DNAH7: variants seen among roughly 807,000 people sequenced by gnomAD.
DNAH7 encodes axonemal beta dynein heavy chain 7.
DNAH7 carries 397 observed loss-of-function variants against 444.6 expected under a neutral mutation model. The observed-to-expected ratio is 0.89, with a 90% CI of 0.82 to 0.97. DNAH7 has a LOEUF of 0.97. Ranked by LOEUF, DNAH7 falls within the 50% of genes least tolerant of loss-of-function variation. The pLI is 0.00. For missense variants in DNAH7, 4,902 were observed against 4,800.8 expected (o/e 1.02, Z -0.62); for synonymous variants, 1,636 against 1,624.4 (o/e 1.01, Z -0.17).
chr2:196,019,240 T>A lies in DNAH7; in HGVS notation c.799A>T (p.Ile267Phe). 1.3e-6 allele frequency: 2 copies of A among 1,515,054 alleles called. No individual in the cohort carries two copies. The highest frequency in any genetic ancestry group is 1.8e-6 in the Non-Finnish European group (2 of 1,118,876). The allele number at this position is 1,515,054 out of a possible 1,614,324, so 93.9% of individuals were successfully genotyped here. A position where few individuals can be genotyped will look rare whatever the true frequency, so the allele number is the denominator to read the frequency against. Residue 267 changes from isoleucine (I) to phenylalanine (F), a missense_variant, in exon 9 of 65, where the codon ATT becomes TTT. Coordinates refer to ENST00000312428, the MANE Select transcript of DNAH7 (RefSeq NM_018897.3). ...TTCATTGCATTCAAGTGATCCCTAA[T>A]ATAACTGCTTGCAGCTAAAAAAGAT... ...RKSFLAASSY[I>F]RDHLNAMNPT...
chr2:195,957,513 T>G, intron 18 of DNAH7, 66 bp from the exon 19 acceptor site: 1 of 1,330,222 alleles, frequency 7.5e-7, no homozygotes, highest in Non-Finnish European at 1.0e-6. Flanking sequence ...ATGACAAAAT[T>G]CAAACCACAA....
intron 12 of DNAH7, among the ~76,000 whole-genome samples, chr2:195,998,134 C>A (rs1449337274): frequency 1.3e-5 from 2 of 152,130 alleles, no homozygotes; most frequent in African/African-American, 4.8e-5. Context: ...AAATTTGATA[C>A]CATGAAAAAC....
At chr2:195,859,032 C>T (rs1699876599) in intron 42 of DNAH7, among the ~76,000 whole-genome samples, 1 of 152,046 alleles carries the variant, frequency 6.6e-6, no homozygotes, top group Non-Finnish European at 1.5e-5. Context: ...GTTTTCAGTA[C>T]CTATATGTTA....
chr2:196,046,091 T>C (rs1697105479), intron 5 of DNAH7, among the ~76,000 whole-genome samples: 1 of 151,914 alleles, frequency 6.6e-6, no homozygotes, highest in African/African-American at 2.4e-5. Flanking sequence ...CCAGTACAAT[T>C]GTATAAATAC....
chr2:195,829,960 T>G (rs1697981134), intron 48 of DNAH7, among the ~76,000 whole-genome samples: 1 of 152,098 alleles, frequency 6.6e-6, no homozygotes, highest in Non-Finnish European at 1.5e-5. Flanking sequence ...TTTTAAAAAT[T>G]TAAAGCATTT....
chr2:196,023,463 T>C (rs1695501264), intron 8 of DNAH7, among the ~76,000 whole-genome samples: 1 of 152,254 alleles, frequency 6.6e-6, no homozygotes, highest in Non-Finnish European at 1.5e-5. Flanking sequence ...TGCTCCGTTA[T>C]GGAGATTGCT....
At chr2:195,900,208 A>C in intron 28 of DNAH7, 74 bp downstream of exon 28, 2 of 1,460,132 alleles carry the variant, frequency 1.4e-6, no homozygotes, top group Admixed American at 3.5e-5. Flanking sequence ...AAGTTATTGG[A>C]ATTCTCTGAA....
rs1695143518 is a variant in DNAH7 at position 195,778,005 on chromosome 2, T to C, written c.10879-20A>G. 6.3e-7 allele frequency: 1 copy of C among 1,577,182 alleles called. No individual in the cohort carries two copies. Among genetic ancestry groups the C allele is most frequent in the Non-Finnish European group, 8.6e-7 (1 of 1,156,992 alleles). On this transcript the variant is annotated intron_variant, in intron 58 of 64. Coordinates refer to ENST00000312428, the MANE Select transcript of DNAH7 (RefSeq NM_018897.3). ...CAGTTCCTAAAATAGTGCGTGTCAGTCAACCAGTTATCAGTAGCATGTTAT... is the reference window on the plus strand; with the variant it reads ...CAGTTCCTAAAATAGTGCGTGTCAGCCAACCAGTTATCAGTAGCATGTTAT...
intron 56 of DNAH7, among the ~76,000 whole-genome samples, chr2:195,796,130 G>A (rs1227892372): frequency 6.6e-6 from 1 of 152,208 alleles, no homozygotes; most frequent in Non-Finnish European, 1.5e-5. Context: ...TTTCTCTACT[G>A]TGGCAGGGTA....
At chr2:195,882,741 C>T (rs1385805336) in intron 35 of DNAH7, among the ~76,000 whole-genome samples, 1 of 152,194 alleles carries the variant, frequency 6.6e-6, no homozygotes, top group African/African-American at 2.4e-5. Flanking sequence ...ACCCTTCTTG[C>T]AGAATAAAAT....
At chr2:195,839,864 C>A (rs1423931174) in intron 47 of DNAH7, among the ~76,000 whole-genome samples, 3 of 151,720 alleles carry the variant, frequency 2.0e-5, no homozygotes, top group Admixed American at 6.6e-5. Context: ...AAATTGAATT[C>A]ATGGATAAAA....
intron 61 of DNAH7, among the ~76,000 whole-genome samples, chr2:195,756,704 G>T (rs964177018): frequency 2.2e-4 from 34 of 152,046 alleles, no homozygotes; most frequent in African/African-American, 8.0e-4. Context: ...AAATTTTTTT[G>T]TATAGGAAGC....
chr2:195,945,353 C>T (rs760701347), intron 19 of DNAH7, among the ~76,000 whole-genome samples: 11 of 152,142 alleles, frequency 7.2e-5, no homozygotes, highest in Non-Finnish European at 1.6e-4. Context: ...ATCATGGTGG[C>T]TCTGATGCCA....
chr2:195,760,890 T>A (rs779173314), intron 61 of DNAH7, among the ~76,000 whole-genome samples: 1 of 151,516 alleles, frequency 6.6e-6, no homozygotes, highest in Non-Finnish European at 1.5e-5. Flanking sequence ...CTGACAAACA[T>A]CCACAAGCAT....
Position 195,816,672 on chromosome 2 carries a change from G to T in DNAH7, c.9717C>A (p.Ile3239=). 1.2e-6 allele frequency: 2 copies of T among 1,613,880 alleles called. No individual in the cohort carries two copies. Among genetic ancestry groups the T allele is most frequent in the East Asian group, 4.5e-5 (2 of 44,868 alleles). The change falls in exon 51 of 65, where the codon ATC becomes ATA. Residue 3239 remains isoleucine (I), a synonymous_variant. Transcript: ENST00000312428. ...ATTTCTCTGAATTTTCAATAGACAG[G>T]ATGAAAAGGTTAATAAACCAGGTCA... ...YSLTWFINLF[I]LSIENSEKSE...
intron 7 of DNAH7, among the ~76,000 whole-genome samples, chr2:196,025,990 A>G (rs1042062350): frequency 3.3e-5 from 5 of 152,158 alleles, no homozygotes; most frequent in Admixed American, 3.3e-4. Context: ...GTGGGGCCAG[A>G]AGTCAGTATT....
rs201461887 is a variant in DNAH7, at chr2:195,884,698, G to A, written c.5650C>T (p.Arg1884Ter). ...TGTAATTTAAACGTATTTCGAGTTC[G>A]ATCTGAAATTGGACTTTCCATTAGT... Reference protein sequence around the residue: ...RELMESPISDRTRNTFKLQSG... With the variant: ...RELMESPISD The change falls in exon 35 of 65, where the codon CGA (arginine) becomes TGA (stop). Residue 1884 changes from arginine to a stop codon, truncating the protein, a stop_gained. Transcript: ENST00000312428. LOFTEE classifies it high-confidence loss of function. The A allele has an allele frequency of 2.0e-5, 32 of 1,613,870 alleles. No homozygotes were observed. In the East Asian group the frequency reaches 3.3e-4, roughly 17 times the overall value.
intron 5 of DNAH7, among the ~76,000 whole-genome samples, chr2:196,032,458 A>G (rs1696118370): frequency 2.0e-5 from 3 of 152,200 alleles, no homozygotes; most frequent in Non-Finnish European, 4.4e-5. Context: ...CAGATACCAA[A>G]GGAGAGAATG....
intron 5 of DNAH7, among the ~76,000 whole-genome samples, chr2:196,047,142 T>C (rs1428419879): frequency 6.6e-5 from 10 of 152,170 alleles, no homozygotes; most frequent in African/African-American, 1.4e-4. Context: ...AGTATTAACA[T>C]TGCTACCTTT....
Sources: allele counts gnomAD v4.1 joint callset (sites outside exome capture counted in the v4.1 genomes callset), GRCh38; gene constraint gnomAD v4.1.1; transcripts MANE v1.5; gene names NCBI Gene and HGNC (gene_info 2026-07-23, HGNC 2026-07-21).